Variants in LSAMP observed in about 807,000 individuals in gnomAD.
LSAMP encodes limbic system-associated membrane protein.
A neutral mutation model predicts 38.6 loss-of-function variants in LSAMP; 7 were observed. The observed-to-expected ratio is 0.18, with a 90% CI of 0.10 to 0.34. The LOEUF (loss-of-function observed/expected upper bound fraction) is 0.34. Among genes scored for constraint, LSAMP ranks in the 10% least tolerant of loss-of-function variants. LSAMP has a pLI of 1.00. For synonymous variants in LSAMP, 154 were observed against 166.8 expected, an observed-to-expected ratio of 0.92 and a Z score of 0.59; for missense variants, 313 against 420.0, an observed-to-expected ratio of 0.75 and a Z score of 2.23.
chr3:115,934,425 C>T lies in LSAMP; in HGVS notation c.515-81808G>A, dbSNP rs150269361. Reference sequence around the variant, plus strand: ...CTCCTGACCTCAAGCAATCCACCTGCCTCGGCCTCCCAAAGTGCTAGAATT... The same window carrying T: ...CTCCTGACCTCAAGCAATCCACCTGTCTCGGCCTCCCAAAGTGCTAGAATT... On this transcript the variant is annotated intron_variant, in intron 3 of 6. Transcript: ENST00000490035. Among the ~76,000 whole-genome samples, 475 of 152,214 alleles carry T rather than the reference C, an allele frequency of 3.1e-3. 3 individuals are homozygous for T. Among genetic ancestry groups the T allele is most frequent in the African/African-American group, 0.011 (440 of 41,538 alleles).
Position 116,131,560 on chromosome 3 carries a change from A to G in LSAMP, c.156-45004T>C, listed in dbSNP as rs534838288. On this transcript the variant is annotated intron_variant, in intron 1 of 6. Coordinates refer to ENST00000490035, the MANE Select transcript of LSAMP (RefSeq NM_002338.5). ...GCTTCTGCATGGCCATCTTCTGACCATGTATAGAGAGTCTACCAGGGAACA... is the reference window on the plus strand; with the variant it reads ...GCTTCTGCATGGCCATCTTCTGACCGTGTATAGAGAGTCTACCAGGGAACA... Among the ~76,000 whole-genome samples, 12 of 152,274 alleles carry G rather than the reference A, an allele frequency of 7.9e-5. No individual in the cohort carries two copies. The South Asian group carries it at 2.5e-3, about 32-fold the overall frequency.
At chr3:116,284,953 T>C (rs868175943) in intron 1 of LSAMP, among the ~76,000 whole-genome samples, 30 of 152,232 alleles carry the variant, frequency 2.0e-4, no homozygotes, top group African/African-American at 6.8e-4. Context: ...GGCAAGTATA[T>C]GTTCTAAGAC....
chr3:116,286,611 G>T (rs1482915581), intron 1 of LSAMP, among the ~76,000 whole-genome samples: 1 of 151,762 alleles, frequency 6.6e-6, no homozygotes, highest in Admixed American at 6.6e-5. Context: ...TTCATTTTTT[G>T]GTCTGTCTTT....
At chr3:116,265,301 G>A (rs111975894) in intron 1 of LSAMP, among the ~76,000 whole-genome samples, 13 of 152,268 alleles carry the variant, frequency 8.5e-5, no homozygotes, top group East Asian at 5.8e-4. Flanking sequence ...GGAGCTTGGC[G>A]CTTGTTTGAA....
At chr3:115,914,084 A>T (rs1937193484) in intron 3 of LSAMP, among the ~76,000 whole-genome samples, 1 of 152,228 alleles carries the variant, frequency 6.6e-6, no homozygotes, top group South Asian at 2.1e-4. Context: ...GGACTGTGGC[A>T]GCTCCGCAGA....
chr3:116,116,091 T>A (rs1318342375), intron 1 of LSAMP, among the ~76,000 whole-genome samples: 1 of 151,188 alleles, frequency 6.6e-6, no homozygotes, highest in Non-Finnish European at 1.5e-5. Flanking sequence ...GGTCCTATAA[T>A]ATATTTTTTT....
At chr3:115,817,117 G>A (rs58369961) in intron 6 of LSAMP, among the ~76,000 whole-genome samples, 2,912 of 152,138 alleles carry the variant, frequency 0.019, 96 homozygotes, top group African/African-American at 0.066. Context: ...CATTTGCTTG[G>A]AATATTCTTC....
chr3:115,924,220 T>G (rs1200195122), intron 3 of LSAMP, among the ~76,000 whole-genome samples: 1 of 152,198 alleles, frequency 6.6e-6, no homozygotes, highest in Non-Finnish European at 1.5e-5. Flanking sequence ...CTCCTTGCCC[T>G]TTTAAATCAC....
chr3:116,119,819 C>A (rs1226580215), intron 1 of LSAMP, among the ~76,000 whole-genome samples: 3 of 151,934 alleles, frequency 2.0e-5, no homozygotes, highest in Non-Finnish European at 4.4e-5. Flanking sequence ...TGCCACCACA[C>A]CCAGCTAATT....
At chr3:116,122,523 T>A (rs1708907855) in intron 1 of LSAMP, among the ~76,000 whole-genome samples, 1 of 152,180 alleles carries the variant, frequency 6.6e-6, no homozygotes. Context: ...CAATACTTAT[T>A]ATTTGTTAGT....
At chr3:116,302,104 G>GA (rs1355746044) in intron 1 of LSAMP, among the ~76,000 whole-genome samples, 1 of 152,170 alleles carries the variant, frequency 6.6e-6, no homozygotes, top group East Asian at 1.9e-4. Context: ...AAGCTGTTCT[G>GA]AAATGAAGGC....
At chr3:116,032,550 G>A (rs747277544) in intron 2 of LSAMP, among the ~76,000 whole-genome samples, 3 of 152,164 alleles carry the variant, frequency 2.0e-5, no homozygotes, top group African/African-American at 7.2e-5. Context: ...GCTTATGTCT[G>A]TAATCCCAGC....
At chr3:115,994,402 C>T (rs967656606) in intron 3 of LSAMP, among the ~76,000 whole-genome samples, 2 of 152,022 alleles carry the variant, frequency 1.3e-5, no homozygotes, top group African/African-American at 4.8e-5. Flanking sequence ...AATGCAACTT[C>T]ATTTGGTAAT....
intron 1 of LSAMP, among the ~76,000 whole-genome samples, chr3:116,437,312 C>T (rs940331518): frequency 6.6e-6 from 1 of 151,688 alleles, no homozygotes; most frequent in African/African-American, 2.4e-5. Context: ...GTATACTGCT[C>T]GGGTGATGGG....
At chr3:116,348,782 TCTC>T (rs944422693) in intron 1 of LSAMP, among the ~76,000 whole-genome samples, 3 of 152,124 alleles carry the variant, frequency 2.0e-5, no homozygotes, top group African/African-American at 7.2e-5. Flanking sequence ...ATATCAAAAA[TCTC>T]CTGAAGAGGA....
At chr3:116,262,371 G>A (rs1357396852) in intron 1 of LSAMP, among the ~76,000 whole-genome samples, 2 of 152,116 alleles carry the variant, frequency 1.3e-5, no homozygotes, top group African/African-American at 4.8e-5. Context: ...CTTCTTGGGT[G>A]GTAAGGTTTC....
At chr3:116,253,673 A>G (rs1013175404) in intron 1 of LSAMP, among the ~76,000 whole-genome samples, 23 of 152,200 alleles carry the variant, frequency 1.5e-4, no homozygotes, top group African/African-American at 4.6e-4. Flanking sequence ...TTTGTTTAAC[A>G]TTGTGAATCA....
chr3:116,018,032 C>T (rs760429107), intron 3 of LSAMP, among the ~76,000 whole-genome samples: 4 of 152,058 alleles, frequency 2.6e-5, no homozygotes, highest in Non-Finnish European at 5.9e-5. Context: ...ATAATATCTA[C>T]GTTCATACTC....
chr3:116,199,689 G>C (rs555065107), intron 1 of LSAMP, among the ~76,000 whole-genome samples: 2 of 152,278 alleles, frequency 1.3e-5, no homozygotes, highest in East Asian at 3.9e-4. Context: ...TGAAATGTTA[G>C]AGAGCAGTCA....
Sources: allele counts gnomAD v4.1 joint callset (sites outside exome capture counted in the v4.1 genomes callset), GRCh38; gene constraint gnomAD v4.1.1; transcripts MANE v1.5; gene names NCBI Gene and HGNC (gene_info 2026-07-23, HGNC 2026-07-21).